Variants in EPB41L2 observed in about 807,000 individuals in gnomAD.
EPB41L2 encodes band 4.1-like protein 2.
A neutral mutation model predicts 113.0 loss-of-function variants in EPB41L2; 43 were observed. The observed-to-expected ratio is 0.38, with a 90% CI of 0.30 to 0.49. The LOEUF is 0.49. EPB41L2 is among the 20% of genes least tolerant of loss of function. The probability of loss-of-function intolerance (pLI) is 0.95; values close to 1 mark genes in which losing one functional copy is unlikely to be tolerated. For missense variants in EPB41L2, 1,147 were observed against 1,223.4 expected (o/e 0.94, Z 0.93); for synonymous variants, 442 against 436.7 (o/e 1.01, Z -0.15).
chr6:130,857,801 AAAG>A (rs776722812), intron 19 of EPB41L2, among the ~76,000 whole-genome samples: 2 of 152,124 alleles, frequency 1.3e-5, no homozygotes, highest in Non-Finnish European at 2.9e-5. Flanking sequence ...TCTCTCATCC[AAAG>A]AAGGTTAATA....
Position 130,894,396 on chromosome 6 carries a change from G to C in EPB41L2, c.1435C>G (p.Arg479Gly). 1 of 1,613,852 alleles carries C rather than the reference G, an allele frequency of 6.2e-7. No individual in the cohort carries two copies. Among genetic ancestry groups the C allele is most frequent in the East Asian group, 2.2e-5 (1 of 44,864 alleles). Reference sequence around the variant, plus strand: ...ACTTTCCATAGTCTTTTCGCTGCCCGGTGGTTTGGCAGTTTGAATCCAATG... The same window carrying C: ...ACTTTCCATAGTCTTTTCGCTGCCCCGTGGTTTGGCAGTTTGAATCCAATG... Reference protein sequence around the residue: ...STIGFKLPNHRAAKRLWKVCV... With the variant: ...STIGFKLPNHGAAKRLWKVCV... The change falls in exon 10 of 20, where the codon CGG becomes GGG. Residue 479 changes from arginine to glycine, a missense_variant. Physicochemically the swap from Arg to Gly is moderately radical, Grantham distance 125 (BLOSUM62 -2). Transcript: ENST00000337057.
At position 130,931,848 on chromosome 6, in the gene EPB41L2, A is replaced by T. The variant is rs567961709; in HGVS notation, c.706-5139T>A. 3.9e-5 allele frequency among the ~76,000 whole-genome samples: 6 copies of T among 152,164 alleles called. No homozygotes were observed. The South Asian group carries it at 8.3e-4, about 21-fold the overall frequency. ...GAATCACCAATTCTTAACAATACGG[A>T]AGAAAAGTACTGCAGTATAATCACA... is the stretch of plus-strand genomic sequence containing the variant. On this transcript the variant is annotated intron_variant, in intron 3 of 19. Transcript: ENST00000337057.
chr6:130,895,542 C>G (rs998929702), intron 8 of EPB41L2, among the ~76,000 whole-genome samples: 13 of 152,196 alleles, frequency 8.5e-5, no homozygotes, highest in African/African-American at 3.1e-4. Context: ...CAACCATTTT[C>G]CTTTAGGTGC....
At chr6:130,933,920 C>T (rs1393717899) in intron 3 of EPB41L2, among the ~76,000 whole-genome samples, 2 of 152,130 alleles carry the variant, frequency 1.3e-5, no homozygotes, top group Non-Finnish European at 2.9e-5. Flanking sequence ...GTGTAGGGCC[C>T]TCCACACTGC....
At chr6:131,011,748 C>T (rs977400742) in intron 1 of EPB41L2, among the ~76,000 whole-genome samples, 2 of 152,174 alleles carry the variant, frequency 1.3e-5, no homozygotes, top group African/African-American at 4.8e-5. Flanking sequence ...AGTCGACTAC[C>T]GTGGCTAATA....
rs891155808 is a variant in EPB41L2 at position 131,045,554 on chromosome 6, T to C, written c.-15+17601A>G. Among the ~76,000 whole-genome samples the C allele has an allele frequency of 2.6e-5, 4 of 151,978 alleles. No homozygotes were observed. In the East Asian group the frequency reaches 7.7e-4, roughly 29 times the overall value. The stretch of plus-strand genomic sequence containing the variant: ...CTGGGAAACAGGAAAATTGAAAGGA[T>C]AGTCAGAGGAAAAGAAGTCTGCAAA... On this transcript the variant is annotated intron_variant, in intron 1 of 19. Transcript: ENST00000337057.
intron 1 of EPB41L2, among the ~76,000 whole-genome samples, chr6:131,049,232 T>C (rs1176605564): frequency 6.6e-6 from 1 of 152,208 alleles, no homozygotes; most frequent in Admixed American, 6.5e-5. Flanking sequence ...GTGTATAATT[T>C]AAAACAGACA....
At chr6:130,840,913 T>C (rs1157559958) in intron 19 of EPB41L2, among the ~76,000 whole-genome samples, 1 of 152,136 alleles carries the variant, frequency 6.6e-6, no homozygotes, top group Non-Finnish European at 1.5e-5. Context: ...GAAACCAAGG[T>C]AGGTTTTAAA....
intron 3 of EPB41L2, among the ~76,000 whole-genome samples, chr6:130,947,020 C>G (rs1009884745): frequency 1.4e-5 from 2 of 138,048 alleles, no homozygotes; most frequent in Admixed American, 1.4e-4. Context: ...AAAGAAGACC[C>G]CCCCCCCAGC....
At chr6:130,860,947 G>A (rs1781824844) in intron 18 of EPB41L2, among the ~76,000 whole-genome samples, 7 of 152,218 alleles carry the variant, frequency 4.6e-5, no homozygotes, top group Admixed American at 3.9e-4. Context: ...CCAGCACAGG[G>A]TGAAGAATCT....
At chr6:131,051,212 C>A (rs1194116315) in intron 1 of EPB41L2, among the ~76,000 whole-genome samples, 1 of 151,926 alleles carries the variant, frequency 6.6e-6, no homozygotes, top group Non-Finnish European at 1.5e-5. Flanking sequence ...TTTCTACCTC[C>A]CTCTATATAA....
At chr6:130,878,504 C>A (rs1788278211) in intron 13 of EPB41L2, 1 of 352,248 alleles carries the variant, frequency 2.8e-6, no homozygotes, top group Non-Finnish European at 5.1e-6. Context: ...GATTTCTTCT[C>A]TATTTAGGAT....
chr6:130,980,132 G>A (rs1371316657), intron 1 of EPB41L2, among the ~76,000 whole-genome samples: 1 of 152,166 alleles, frequency 6.6e-6, no homozygotes, highest in Non-Finnish European at 1.5e-5. Context: ...TCATAAGATG[G>A]CTACTAACCT....
At chr6:130,860,600 T>C (rs568858842) in intron 18 of EPB41L2, among the ~76,000 whole-genome samples, 15 of 152,348 alleles carry the variant, frequency 9.8e-5, no homozygotes, top group African/African-American at 3.1e-4. Flanking sequence ...TGGCGCGATC[T>C]CGGCTCACTG....
In EPB41L2 at chr6:130,992,210, A is replaced by G. The variant is rs556239780; in HGVS notation, c.-14-35711T>C. On this transcript the variant is annotated intron_variant, in intron 1 of 19. Transcript: ENST00000337057. ...CACACATTTGATATGTGTGAGTGTG[A>G]TAAGATTATGAAAAGATTCTGTTAA... Among the ~76,000 whole-genome samples the G allele has an allele frequency of 7.9e-5, 12 of 152,290 alleles. No individual in the cohort carries two copies. The East Asian group carries it at 2.3e-3, about 29-fold the overall frequency.
In EPB41L2 at chr6:130,839,441, T is replaced by A. The variant is rs2128386587; in HGVS notation, c.*1163A>T. 1.3e-5 allele frequency: 2 copies of A among 152,284 alleles called. No homozygotes were observed. Among genetic ancestry groups the A allele is most frequent in the South Asian group, 4.1e-4 (2 of 4,822 alleles). The allele number at this position is 152,284 out of a possible 1,614,324, so 9.4% of individuals were successfully genotyped here. A position where few individuals can be genotyped will look rare whatever the true frequency, so the allele number is the denominator to read the frequency against. ...AGGCTGCTATAAATCTAATCTGGCA[T>A]CGTAACTATACATAGGGTCAAAGGC... On this transcript the variant is annotated 3_prime_UTR_variant, in exon 20 of 20. Coordinates refer to ENST00000337057, the MANE Select transcript of EPB41L2 (RefSeq NM_001431.4).
chr6:130,924,888 CG>C (rs1804130005), intron 4 of EPB41L2, among the ~76,000 whole-genome samples: 1 of 152,104 alleles, frequency 6.6e-6, no homozygotes, highest in Non-Finnish European at 1.5e-5. Context: ...TCTACATATA[CG>C]GAGGCTATAC....
rs57293132 is a variant in EPB41L2 at position 130,972,937 on chromosome 6, C to CAAAAAAAAAAAA, written c.-14-16450_-14-16439dup. Among the ~76,000 whole-genome samples the CAAAAAAAAAAAA allele has an allele frequency of 1.3e-4, 8 of 59,514 alleles. 1 individual carries two copies. Among genetic ancestry groups the CAAAAAAAAAAAA allele is most frequent in the East Asian group, 1.2e-3 (2 of 1,696 alleles). The allele number at this position is 59,514 out of a possible 152,430, so 39.0% of individuals were successfully genotyped here. On this transcript the variant is annotated intron_variant, in intron 1 of 19. Coordinates refer to ENST00000337057, the MANE Select transcript of EPB41L2 (RefSeq NM_001431.4). ...TGAAACCCCATCTCTACTAAAGATA[C>CAAAAAAAAAAAA]AAAAAAAAAAAAAAAAAAAAAAAAA...
At chr6:131,036,835 C>T (rs1283262357) in intron 1 of EPB41L2, among the ~76,000 whole-genome samples, 1 of 152,152 alleles carries the variant, frequency 6.6e-6, no homozygotes, top group East Asian at 1.9e-4. Context: ...TGAGAATAGG[C>T]CAGAAGTGAT....
Sources: gnomAD v4.1 joint callset for allele counts (sites outside exome capture counted in the v4.1 genomes callset) on GRCh38, gnomAD v4.1.1 for gene constraint, MANE v1.5 for transcripts, NCBI Gene and HGNC (gene_info 2026-07-23, HGNC 2026-07-21) for gene names.